The following WDR11 variants were observed in gnomAD, a reference collection of about 807,000 sequenced individuals.
The protein encoded by WDR11 is WD repeat domain 11, also known as WD repeat-containing protein 11.
A neutral mutation model predicts 151.2 loss-of-function variants in WDR11; 83 were observed. That is an observed-to-expected ratio of 0.55 (90% CI 0.46 to 0.66). The LOEUF is 0.66. WDR11 is among the 30% of genes least tolerant of loss of function. The pLI, the probability that WDR11 is intolerant of heterozygous loss-of-function variation, is 0.00. For missense variants in WDR11, 1,301 were observed against 1,480.9 expected (o/e 0.88, Z 1.99); for synonymous variants, 484 against 533.1 (o/e 0.91, Z 1.27).
At chr10:120,889,431 G>A (rs1439324120) in intron 17 of WDR11, 4 of 440,862 alleles carry the variant, frequency 9.1e-6, no homozygotes, top group Admixed American at 3.4e-5. Context: ...TAGTAGAGAC[G>A]GGATTTCACC....
rs577805675 is a variant in WDR11, at chr10:120,860,205, C to T, written c.449C>T (p.Thr150Ile). ...YIVLWNADTG[T>I]KLWKKSYADN... is the part of the protein sequence containing the mutation. ...GTGCTCTGGAATGCCGACACTGGCA[C>T]CAAACTATGGAAGAAGAGCTATGCA... Residue 150 changes from threonine (T) to isoleucine (I), a missense_variant, in exon 4 of 29, where the codon ACC becomes ATC. Physicochemically the swap from Thr to Ile is moderately conservative, Grantham distance 89. Coordinates refer to ENST00000263461, the MANE Select transcript of WDR11 (RefSeq NM_018117.12). The T allele has an allele frequency of 5.6e-6, 9 of 1,614,168 alleles. No individual in the cohort carries two copies. Among genetic ancestry groups the T allele is most frequent in the Non-Finnish European group, 7.6e-6 (9 of 1,180,040 alleles).
At chr10:120,865,009 T>C in intron 5 of WDR11, 38 bp from the exon 6 acceptor site, 3 of 1,606,044 alleles carry the variant, frequency 1.9e-6, no homozygotes, top group Non-Finnish European at 2.6e-6. Flanking sequence ...CTGATATAAA[T>C]GAAGTCTTTG....
At chr10:120,897,598 C>T (rs531555322) in intron 19 of WDR11, among the ~76,000 whole-genome samples, 39 of 152,148 alleles carry the variant, frequency 2.6e-4, no homozygotes, top group Non-Finnish European at 4.3e-4. Context: ...ATGTTTAACC[C>T]GAATCTGATA....
intron 4 of WDR11, 92 bp from the exon 5 acceptor site, chr10:120,862,643 T>C: frequency 7.8e-7 from 1 of 1,273,986 alleles, no homozygotes; most frequent in East Asian, 2.3e-5. Context: ...TTATTAAAAT[T>C]ATCACTATAT....
In WDR11 at chr10:120,904,807, G is replaced by A; in HGVS notation, c.3189G>A (p.Leu1063=). ...CGAATATGATTGCCAATGGCAAATT[G>A]GCAGGTAAGGCACACTTGATATGTT... ...VATNMIANGK[L]AEGVQLLCLI... Residue 1063 remains leucine, a synonymous_variant, in exon 25 of 29, where the codon TTG becomes TTA. Transcript: ENST00000263461. The A allele has an allele frequency of 6.2e-7, 1 of 1,614,126 alleles. No individual in the cohort carries two copies. The highest frequency in any genetic ancestry group is 8.5e-7 in the Non-Finnish European group (1 of 1,180,020).
At chr10:120,867,849 A>C (rs1846368955) in intron 9 of WDR11, among the ~76,000 whole-genome samples, 1 of 152,192 alleles carries the variant, frequency 6.6e-6, no homozygotes, top group Non-Finnish European at 1.5e-5. Context: ...TTTTGACATG[A>C]ATTATTTTTA....
At position 120,874,005 on chromosome 10, in the gene WDR11, C is replaced by T. The variant is rs970198182; in HGVS notation, c.1556+82C>T. 4 of 855,700 alleles carry T rather than the reference C, an allele frequency of 4.7e-6. No individual in the cohort carries two copies. In the Admixed American group the frequency reaches 5.1e-5, roughly 11 times the overall value. The allele number at this position is 855,700 out of a possible 1,614,324, so 53.0% of individuals were successfully genotyped here. A position where few individuals can be genotyped will look rare whatever the true frequency, so the allele number is the denominator to read the frequency against. On this transcript the variant is annotated intron_variant, in intron 11 of 28. Coordinates refer to ENST00000263461, the MANE Select transcript of WDR11 (RefSeq NM_018117.12). ...CATAGACTTTTCTACATTGAGTACT[C>T]TGTAATATCTGCAGTGGTGATTATT...
intron 20 of WDR11, 49 bp downstream of exon 20, chr10:120,900,186 A>G (rs1351343484): frequency 1.3e-6 from 2 of 1,508,284 alleles, no homozygotes; most frequent in Non-Finnish European, 1.8e-6. Flanking sequence ...TGGGGTTGAA[A>G]GACACCCATG....
At chr10:120,877,938 T>C (rs1394026849) in intron 11 of WDR11, among the ~76,000 whole-genome samples, 1 of 152,172 alleles carries the variant, frequency 6.6e-6, no homozygotes, top group East Asian at 1.9e-4. Flanking sequence ...AGAGAAAGCC[T>C]TTGAAGCTTA....
intron 7 of WDR11, 136 bp downstream of exon 7, chr10:120,865,880 A>C: frequency 1.5e-6 from 1 of 647,362 alleles, no homozygotes; most frequent in Non-Finnish European, 2.7e-6. Flanking sequence ...GGTTATAATA[A>C]GAGGCATAAA....
chr10:120,900,601 G>A (rs1847778998), intron 20 of WDR11, among the ~76,000 whole-genome samples: 1 of 152,146 alleles, frequency 6.6e-6, no homozygotes, highest in Admixed American at 6.6e-5. Context: ...CTGAACTCCT[G>A]CCATGTGCAG....
intron 5 of WDR11, among the ~76,000 whole-genome samples, chr10:120,864,235 G>A (rs142460790): frequency 3.9e-4 from 60 of 152,050 alleles, no homozygotes; most frequent in Non-Finnish European, 6.5e-4. Context: ...CATGGCAGTC[G>A]GGATTTTAAT....
intron 2 of WDR11, chr10:120,855,944 A>G (rs1223478822): frequency 6.6e-6 from 1 of 152,212 alleles, no homozygotes; most frequent in Non-Finnish European, 1.5e-5. Context: ...TTAGGGGGAA[A>G]GTATTCAGTC....
rs746670118 is a variant in WDR11 at position 120,909,355 on chromosome 10, C to T, written c.*642C>T. ...AGGTCTTTGATATTTTGAATTTTAA[C>T]TCCTTTTATGATACATCACAGTAAC... On this transcript the variant is annotated 3_prime_UTR_variant, in exon 29 of 29. Coordinates refer to ENST00000263461, the MANE Select transcript of WDR11 (RefSeq NM_018117.12). 6.5e-6 allele frequency: 1 copy of T among 153,416 alleles called. No homozygotes were observed. Among genetic ancestry groups the T allele is most frequent in the Non-Finnish European group, 1.5e-5 (1 of 68,650 alleles). The allele number at this position is 153,416 out of a possible 1,614,324, so 9.5% of individuals were successfully genotyped here.
intron 13 of WDR11, among the ~76,000 whole-genome samples, chr10:120,883,082 A>G (rs551336777): frequency 5.3e-5 from 8 of 151,632 alleles, no homozygotes; most frequent in South Asian, 2.1e-4. Flanking sequence ...TTTAACTTCA[A>G]ACTATTTGGG....
chr10:120,880,667 AC>A (rs398114850), intron 12 of WDR11, 158 bp from the exon 13 acceptor site: 2 of 688,206 alleles, frequency 2.9e-6, no homozygotes, highest in African/African-American at 1.8e-5. Flanking sequence ...AAAAAAAAAA[AC>A]CCGAAAAAAC....
chr10:120,908,576 T>C lies in WDR11; in HGVS notation c.3538T>C (p.Tyr1180His). The change falls in exon 29 of 29, where the codon TAT becomes CAT. Residue 1180 changes from tyrosine to histidine, a missense_variant. Physicochemically the swap from Tyr to His is moderately conservative, Grantham distance 83 (BLOSUM62 2). Transcript: ENST00000263461. ...EDTEKLITAI[Y>H]ADYARSLKNL... Reference sequence around the variant, plus strand: ...TTTACAGAAACTCATCACTGCTATATATGCAGATTATGCCCGGAGTTTGAA... The same window carrying C: ...TTTACAGAAACTCATCACTGCTATACATGCAGATTATGCCCGGAGTTTGAA... 1 of 1,614,200 alleles carries C rather than the reference T, an allele frequency of 6.2e-7. No individual in the cohort carries two copies. Among genetic ancestry groups the C allele is most frequent in the South Asian group, 1.1e-5 (1 of 91,084 alleles).
chr10:120,876,427 C>G (rs1343347367), intron 11 of WDR11, among the ~76,000 whole-genome samples: 4 of 152,148 alleles, frequency 2.6e-5, no homozygotes, highest in Admixed American at 2.6e-4. Flanking sequence ...ACAGCATCTC[C>G]CCAGATACAT....
chr10:120,879,201 A>C (rs192449433), intron 12 of WDR11: 1 of 152,354 alleles, frequency 6.6e-6, no homozygotes, highest in African/African-American at 2.4e-5. Context: ...GAATTAAATC[A>C]AATAAATGGT....
Sources: allele counts gnomAD v4.1 joint callset (sites outside exome capture counted in the v4.1 genomes callset), GRCh38; gene constraint gnomAD v4.1.1; transcripts MANE v1.5; gene names NCBI Gene and HGNC (gene_info 2026-07-23, HGNC 2026-07-21).